The following TENM1 variants were observed in gnomAD, a reference collection of about 807,000 sequenced individuals.
The protein encoded by TENM1 is teneurin transmembrane protein 1, also known as teneurin-1.
TENM1 carries 35 observed loss-of-function variants against 174.8 expected under a neutral mutation model. That is an observed-to-expected ratio of 0.20 (90% CI 0.15 to 0.27). TENM1 has a LOEUF of 0.27. Ranked by LOEUF, TENM1 falls within the 10% of genes least tolerant of loss-of-function variation. The pLI is 1.00. For missense variants in TENM1, 1,633 were observed against 2,130.1 expected, an observed-to-expected ratio of 0.77 and a Z score of 4.59; for synonymous variants, 781 against 798.7, an observed-to-expected ratio of 0.98 and a Z score of 0.37.
intron 19 of TENM1, among the ~76,000 whole-genome samples, chrX:124,499,967 T>A (rs2047290461): frequency 9.0e-6 from 1 of 111,481 alleles, no homozygotes; most frequent in Admixed American, 9.5e-5. Context: ...TATATCAATA[T>A]AATGGTATAG....
intron 11 of TENM1, among the ~76,000 whole-genome samples, chrX:124,569,476 T>C (rs1010718839): frequency 1.8e-5 from 2 of 111,958 alleles, no homozygotes; most frequent in Admixed American, 9.5e-5. Flanking sequence ...CAAATGTATA[T>C]AGAACATTTA....
At chrX:124,855,285 T>C (rs2056794214) in intron 3 of TENM1, among the ~76,000 whole-genome samples, 1 of 111,863 alleles carries the variant, frequency 8.9e-6, no homozygotes, top group Non-Finnish European at 1.9e-5. Flanking sequence ...TATTCTACAC[T>C]TTTATTTATA....
At chrX:125,163,286 G>C in the TENM1 span, among the ~76,000 whole-genome samples, 2 of 110,342 alleles carry the variant, frequency 1.8e-5, no homozygotes, top group South Asian at 3.9e-4. Context: ...AGTGTGATTA[G>C]CTGGTGAGCC....
the TENM1 span, among the ~76,000 whole-genome samples, chrX:125,173,181 A>G: frequency 9.0e-6 from 1 of 111,666 alleles, no homozygotes; most frequent in East Asian, 2.8e-4. Flanking sequence ...AACACATTTC[A>G]CCCTATCAAT....
chrX:124,565,705 G>T (rs2858440), intron 11 of TENM1, 145 bp from the exon 15 acceptor site: 89,167 of 362,223 alleles, frequency 0.25, 8,596 homozygotes, highest in South Asian at 0.4. Context: ...GGTCTTGCTG[G>T]GTTAACCAGG....
chrX:124,408,260 G>A (rs1293754928), intron 25 of TENM1, among the ~76,000 whole-genome samples: 1 of 109,261 alleles, frequency 9.2e-6, no homozygotes, highest in Non-Finnish European at 1.9e-5. Context: ...TCGTGTCCTA[G>A]CCTCCCTGAG....
the TENM1 span, among the ~76,000 whole-genome samples, chrX:125,010,227 CCAA>C: frequency 9.0e-6 from 1 of 110,594 alleles, no homozygotes; most frequent in Non-Finnish European, 1.9e-5. Context: ...TTCCTATACA[CCAA>C]CAATAGACAA....
the TENM1 span, among the ~76,000 whole-genome samples, chrX:125,138,715 T>A: frequency 2.0e-4 from 22 of 111,157 alleles, no homozygotes; most frequent in Non-Finnish European, 2.6e-4. Context: ...ATTGGGAATA[T>A]TGTTTCTTGA....
chrX:124,797,991 C>T (rs931801764), intron 3 of TENM1, among the ~76,000 whole-genome samples: 2 of 111,004 alleles, frequency 1.8e-5, no homozygotes, highest in Admixed American at 1.9e-4. Context: ...ATGATGGCTT[C>T]CAGTTTCATC....
intron 3 of TENM1, among the ~76,000 whole-genome samples, chrX:124,832,486 A>T (rs767433391): frequency 1.8e-5 from 2 of 112,299 alleles, no homozygotes; most frequent in Admixed American, 1.9e-4. Context: ...CTGATCACCC[A>T]TAAAGTACTT....
intron 11 of TENM1, among the ~76,000 whole-genome samples, chrX:124,574,652 T>C (rs1222687272): frequency 9.5e-6 from 1 of 105,758 alleles, no homozygotes; most frequent in African/African-American, 3.5e-5. Flanking sequence ...TAGACTTTAC[T>C]GCAATTTTTG....
At chrX:124,577,274 C>T (rs2049189829) in intron 11 of TENM1, among the ~76,000 whole-genome samples, 1 of 111,339 alleles carries the variant, frequency 9.0e-6, no homozygotes, top group African/African-American at 3.3e-5. Context: ...TGGAAAGCAG[C>T]TTTCTGTCAA....
intron 23 of TENM1, among the ~76,000 whole-genome samples, chrX:124,429,565 G>A (rs760072947): frequency 6.3e-5 from 7 of 111,644 alleles, no homozygotes; most frequent in African/African-American, 2.3e-4. Context: ...TTGAGAAAAA[G>A]CAAGGCGGGA....
At chrX:125,038,910 A>G in the TENM1 span, among the ~76,000 whole-genome samples, 1 of 111,939 alleles carries the variant, frequency 8.9e-6, no homozygotes, top group East Asian at 2.8e-4. Context: ...GGCTTAAAGA[A>G]TATTTGATGC....
intron 3 of TENM1, among the ~76,000 whole-genome samples, chrX:124,752,066 C>A (rs1355973624): frequency 1.8e-5 from 2 of 110,866 alleles, no homozygotes; most frequent in East Asian, 2.9e-4. Flanking sequence ...GGAATCGCCA[C>A]ACTGACTTCC....
intron 1 of TENM1, among the ~76,000 whole-genome samples, chrX:124,942,208 T>TA (rs1452769738): frequency 1.8e-5 from 2 of 111,901 alleles, no homozygotes; most frequent in African/African-American, 3.2e-5. Flanking sequence ...TTATCTCCTA[T>TA]GTATGTCTCC....
intron 27 of TENM1, among the ~76,000 whole-genome samples, chrX:124,399,685 G>A (rs1308057114): frequency 8.9e-6 from 1 of 112,019 alleles, no homozygotes; most frequent in Non-Finnish European, 1.9e-5. Context: ...AACAAAAATA[G>A]GCTAGGCACG....
intron 4 of TENM1, among the ~76,000 whole-genome samples, chrX:124,706,061 C>T (rs781074983): frequency 4.5e-5 from 5 of 111,345 alleles, no homozygotes; most frequent in East Asian, 2.8e-4. Context: ...CGCACCACCA[C>T]GCCCAGCTAC....
intron 23 of TENM1, among the ~76,000 whole-genome samples, chrX:124,428,892 T>C (rs1439073294): frequency 8.9e-6 from 1 of 111,737 alleles, no homozygotes; most frequent in East Asian, 2.8e-4. Flanking sequence ...TGACTTAATA[T>C]TTTGCTTTAA....
Sources: gnomAD v4.1 joint callset for allele counts (sites outside exome capture counted in the v4.1 genomes callset) on GRCh38, gnomAD v4.1.1 for gene constraint, MANE v1.5 for transcripts, NCBI Gene and HGNC (gene_info 2026-07-23, HGNC 2026-07-21) for gene names.